The following TP53INP1 variants were observed in gnomAD, a reference collection of about 807,000 sequenced individuals.
TP53INP1 encodes tumor protein p53-inducible nuclear protein 1.
In TP53INP1, 12 loss-of-function variants were observed where a neutral mutation model predicts 21.0. The observed-to-expected ratio is 0.57, with a 90% confidence interval of 0.37 to 0.93. The LOEUF (loss-of-function observed/expected upper bound fraction) is 0.93, where lower values mean the gene tolerates loss of function less well. Ranked by LOEUF, TP53INP1 falls within the 40% of genes least tolerant of loss-of-function variation. TP53INP1 has a pLI of 0.01. For missense variants in TP53INP1, 274 were observed against 294.7 expected, an observed-to-expected ratio of 0.93 and a Z score of 0.51; for synonymous variants, 91 against 94.8, an observed-to-expected ratio of 0.96 and a Z score of 0.23.
intron 3 of TP53INP1, among the ~76,000 whole-genome samples, chr8:94,934,389 A>T (rs1015497947): frequency 2.0e-4 from 29 of 143,396 alleles, no homozygotes; most frequent in African/African-American, 6.1e-4. Flanking sequence ...TATAAATTCT[A>T]TTTTTTTTTT....
intron 1 of TP53INP1, among the ~76,000 whole-genome samples, chr8:94,943,649 T>C (rs911647811): frequency 1.3e-5 from 2 of 152,258 alleles, no homozygotes; most frequent in African/African-American, 4.8e-5. Flanking sequence ...AGTTGGGATC[T>C]GTAGCTAATG....
intron 3 of TP53INP1, among the ~76,000 whole-genome samples, chr8:94,933,688 C>G (rs2924473): frequency 6.6e-6 from 1 of 151,872 alleles, no homozygotes; most frequent in Non-Finnish European, 1.5e-5. Flanking sequence ...TTGCTTGAAT[C>G]TGGGAGGCAG....
In TP53INP1 at chr8:94,930,050, C is replaced by T. The variant is rs1342274284; in HGVS notation, c.*429G>A. On this transcript the variant is annotated 3_prime_UTR_variant, in exon 4 of 4. Transcript: ENST00000342697. ...TATTCATCATATACAGAGAGATTAT[C>T]AAGTACTGGTCAATAAAGTGTACAG... is the stretch of plus-strand genomic sequence containing the variant. 1 of 166,506 alleles carries T rather than the reference C, an allele frequency of 6.0e-6. No individual in the cohort carries two copies. Among genetic ancestry groups the T allele is most frequent in the African/African-American group, 2.4e-5 (1 of 41,558 alleles). The allele number at this position is 166,506 out of a possible 1,614,324, so 10.3% of individuals were successfully genotyped here. A position where few individuals can be genotyped will look rare whatever the true frequency, so the allele number is the denominator to read the frequency against.
chr8:94,931,914 G>A (rs1563721635), intron 3 of TP53INP1, among the ~76,000 whole-genome samples: 1 of 152,186 alleles, frequency 6.6e-6, no homozygotes, highest in Admixed American at 6.5e-5. Context: ...GGAGGCTGCT[G>A]TGAGCCAATA....
chr8:94,934,818 T>C (rs1288108084), intron 3 of TP53INP1, among the ~76,000 whole-genome samples: 1 of 152,178 alleles, frequency 6.6e-6, no homozygotes, highest in East Asian at 1.9e-4. Flanking sequence ...TAAATTTTTG[T>C]TGGAATGCCT....
In TP53INP1 at chr8:94,927,794, A is replaced by G. The variant is rs1185158328; in HGVS notation, c.*2685T>C. The G allele has an allele frequency of 6.6e-6, 1 of 152,626 alleles. No individual in the cohort carries two copies. The highest frequency in any genetic ancestry group is 1.5e-5 in the Non-Finnish European group (1 of 68,040). 9.5% of individuals were successfully genotyped at this position (152,626 alleles called of 1,614,324 possible). On this transcript the variant is annotated 3_prime_UTR_variant, in exon 4 of 4. Coordinates refer to ENST00000342697, the MANE Select transcript of TP53INP1 (RefSeq NM_033285.4). ...CACCACATATTCCAGACTTTTTCCA[A>G]GTAACATTCTATGTTAACAGTTTAG...
At position 94,927,047 on chromosome 8, in the gene TP53INP1, A is replaced by G. The variant is rs1206479869; in HGVS notation, c.*3432T>C. The stretch of plus-strand genomic sequence containing the variant: ...ATAATTTTAAAGTAACATTACAAAC[A>G]TATACTACTAGTGTCTCCCAGTACA... On this transcript the variant is annotated 3_prime_UTR_variant, in exon 4 of 4. Transcript: ENST00000342697. 2.0e-5 allele frequency: 3 copies of G among 152,486 alleles called. No individual in the cohort carries two copies. The highest frequency in any genetic ancestry group is 4.8e-5 in the African/African-American group (2 of 41,456). 9.4% of individuals were successfully genotyped at this position (152,486 alleles called of 1,614,324 possible).
rs978964899 is a variant in TP53INP1, at chr8:94,928,729, A to T, written c.*1750T>A. 1.3e-5 allele frequency: 2 copies of T among 152,204 alleles called. No homozygotes were observed. The highest frequency in any genetic ancestry group is 4.8e-5 in the African/African-American group (2 of 41,444). The allele number at this position is 152,204 out of a possible 1,614,324, so 9.4% of individuals were successfully genotyped here. A position where few individuals can be genotyped will look rare whatever the true frequency, so the allele number is the denominator to read the frequency against. On this transcript the variant is annotated 3_prime_UTR_variant, in exon 4 of 4. Coordinates refer to ENST00000342697, the MANE Select transcript of TP53INP1 (RefSeq NM_033285.4). ...TACACATTTGACGTCTTCCACTCCAAACGCTCTAATCTAGTCAGAAAAGAG... is the reference window on the plus strand; with the variant it reads ...TACACATTTGACGTCTTCCACTCCATACGCTCTAATCTAGTCAGAAAAGAG...
chr8:94,940,348 A>C lies in TP53INP1; in HGVS notation c.113-128T>G. ...ACAGCACAGAAAAAGAAGAGATGAT[A>C]CTATTAGCTGATGCTCACGTATCTT... On this transcript the variant is annotated intron_variant, in intron 2 of 3. Transcript: ENST00000342697. 4.6e-6 allele frequency: 5 copies of C among 1,092,432 alleles called. No homozygotes were observed. In the South Asian group the frequency reaches 8.1e-5, roughly 18 times the overall value. The allele number at this position is 1,092,432 out of a possible 1,614,324, so 67.7% of individuals were successfully genotyped here. A position where few individuals can be genotyped will look rare whatever the true frequency, so the allele number is the denominator to read the frequency against.
intron 3 of TP53INP1, chr8:94,931,971 CAAAAA>C: frequency 7.9e-7 from 1 of 1,262,384 alleles, no homozygotes; most frequent in Non-Finnish European, 1.1e-6. Flanking sequence ...GACTCCATCT[CAAAAA>C]AAGAAAGAAA....
intron 3 of TP53INP1, 88 bp from the exon 4 acceptor site, chr8:94,930,816 C>T (rs1261841161): frequency 1.1e-5 from 16 of 1,423,662 alleles, no homozygotes; most frequent in Middle Eastern, 2.5e-4. Flanking sequence ...CAATTTGCCA[C>T]GCTAATTTGT....
chr8:94,939,932 AC>A lies in TP53INP1; in HGVS notation c.400del (p.Val134CysfsTer62). 6.2e-7 allele frequency: 1 copy of A among 1,614,188 alleles called. No homozygotes were observed. The highest frequency in any genetic ancestry group is 8.5e-7 in the Non-Finnish European group (1 of 1,180,020). On this transcript the variant is annotated frameshift_variant, in exon 3 of 4. Coordinates refer to ENST00000342697, the MANE Select transcript of TP53INP1 (RefSeq NM_033285.4). LOFTEE classifies it high-confidence loss of function. Reference protein sequence around the residue: ...IEHPSMSVYAVHNSCPGLSEA... With the variant: ...IEHPSMSVYAXHNSCPGLSEA... ...ACTGAGACCAGGGCAGGAGTTATGC[AC>A]AGCATAGACAGACATGCTGGGATGT...
At chr8:94,946,699 A>G (rs1822038495) in intron 1 of TP53INP1, among the ~76,000 whole-genome samples, 1 of 136,828 alleles carries the variant, frequency 7.3e-6, no homozygotes, top group Non-Finnish European at 1.6e-5. Flanking sequence ...CCTGTCTCAA[A>G]AAAAAAAAAA....
At chr8:94,947,441 T>A (rs1002009489) in intron 1 of TP53INP1, among the ~76,000 whole-genome samples, 1 of 152,244 alleles carries the variant, frequency 6.6e-6, no homozygotes, top group African/African-American at 2.4e-5. Flanking sequence ...CCTCTTCCAC[T>A]ACTTTAAAAA....
At chr8:94,930,876 A>G (rs1363957640) in intron 3 of TP53INP1, 148 bp from the exon 4 acceptor site, 4 of 970,084 alleles carry the variant, frequency 4.1e-6, no homozygotes, top group African/African-American at 3.3e-5. Context: ...CAAGTTTATT[A>G]TTCTGTGACC....
rs1820002932 is a variant in TP53INP1 at position 94,927,563 on chromosome 8, C to T, written c.*2916G>A. ...TTGCATCTTTCTGCAAAAAATTCCC[C>T]ACCCAATCAACCATATAAATGCATT... is the stretch of plus-strand genomic sequence containing the variant. On this transcript the variant is annotated 3_prime_UTR_variant, in exon 4 of 4. Coordinates refer to ENST00000342697, the MANE Select transcript of TP53INP1 (RefSeq NM_033285.4). 2 of 152,132 alleles carry T rather than the reference C, an allele frequency of 1.3e-5. No homozygotes were observed. Among genetic ancestry groups the T allele is most frequent in the African/African-American group, 2.4e-5 (1 of 41,420 alleles). 9.4% of individuals were successfully genotyped at this position (152,132 alleles called of 1,614,324 possible). A position where few individuals can be genotyped will look rare whatever the true frequency, so the allele number is the denominator to read the frequency against.
intron 1 of TP53INP1, among the ~76,000 whole-genome samples, chr8:94,943,147 G>A (rs562509689): frequency 1.3e-5 from 2 of 152,268 alleles, no homozygotes; most frequent in Admixed American, 6.5e-5. Context: ...TCTCAGCTAG[G>A]GGCATAGATT....
At chr8:94,946,059 T>G (rs1398678404) in intron 1 of TP53INP1, among the ~76,000 whole-genome samples, 1 of 151,852 alleles carries the variant, frequency 6.6e-6, no homozygotes. Flanking sequence ...TAAGTATTAT[T>G]CCATTGCCTT....
chr8:94,933,840 G>GA (rs1005719752), intron 3 of TP53INP1, among the ~76,000 whole-genome samples: 1 of 148,494 alleles, frequency 6.7e-6, no homozygotes, highest in Non-Finnish European at 1.5e-5. Context: ...TTTGTGGGGG[G>GA]GGGGGGAGGA....
Sources: allele counts gnomAD v4.1 joint callset (sites outside exome capture counted in the v4.1 genomes callset), GRCh38; gene constraint gnomAD v4.1.1; transcripts MANE v1.5; gene names NCBI Gene and HGNC (gene_info 2026-07-23, HGNC 2026-07-21).